CEP57L1: variants seen among roughly 807,000 people sequenced by gnomAD.
CEP57L1 encodes centrosomal protein CEP57L1.
Under a neutral mutation model 61.0 loss-of-function variants are expected in CEP57L1, and 37 were observed. The observed-to-expected ratio is 0.61, with a 90% confidence interval of 0.47 to 0.80. The LOEUF (loss-of-function observed/expected upper bound fraction) is 0.80. Ranked by LOEUF, CEP57L1 falls within the 30% of genes least tolerant of loss-of-function variation. CEP57L1 has a pLI of 0.00. For missense variants in CEP57L1, 422 were observed against 524.7 expected, an observed-to-expected ratio of 0.80 and a Z score of 1.91; for synonymous variants, 137 against 162.3, an observed-to-expected ratio of 0.84 and a Z score of 1.19.
chr6:109,139,189 C>T (rs553817702), intron 1 of CEP57L1, among the ~76,000 whole-genome samples: 2 of 152,202 alleles, frequency 1.3e-5, no homozygotes, highest in East Asian at 3.9e-4. Flanking sequence ...GTGGAAATGC[C>T]GGACAAAGAG....
At chr6:109,134,398 T>C (rs1429863222) in intron 1 of CEP57L1, among the ~76,000 whole-genome samples, 2 of 152,164 alleles carry the variant, frequency 1.3e-5, no homozygotes, top group East Asian at 3.8e-4. Context: ...AATTAGGTAT[T>C]GATGGGACGT....
chr6:109,129,559 A>T (rs1346235835), intron 1 of CEP57L1: 1 of 455,040 alleles, frequency 2.2e-6, no homozygotes, highest in African/African-American at 2.0e-5. Flanking sequence ...CTTCTACATT[A>T]AATTTTCAAC....
intron 1 of CEP57L1, among the ~76,000 whole-genome samples, chr6:109,114,751 G>A (rs1772086007): frequency 6.6e-6 from 1 of 152,166 alleles, no homozygotes; most frequent in South Asian, 2.1e-4. Context: ...GATCAATGGG[G>A]TACAAAGTTA....
At chr6:109,136,436 C>T (rs1488322666) in intron 1 of CEP57L1, among the ~76,000 whole-genome samples, 2 of 151,806 alleles carry the variant, frequency 1.3e-5, no homozygotes, top group Non-Finnish European at 1.5e-5. Context: ...TAGAGGGGAG[C>T]GATAGCATTA....
At chr6:109,114,789 T>C (rs1772089612) in intron 1 of CEP57L1, among the ~76,000 whole-genome samples, 1 of 152,168 alleles carries the variant, frequency 6.6e-6, no homozygotes, top group African/African-American at 2.4e-5. Flanking sequence ...TTTGGTGTTC[T>C]GTTACACTGC....
chr6:109,126,642 T>C (rs753304088), intron 1 of CEP57L1, among the ~76,000 whole-genome samples: 13 of 152,152 alleles, frequency 8.5e-5, no homozygotes, highest in Non-Finnish European at 1.6e-4. Flanking sequence ...TTAAGTGACC[T>C]TAGACATTAT....
rs551425481 is a variant in CEP57L1, at chr6:109,129,641, G to A, written c.-3-15578G>A. 4.3e-4 allele frequency: 166 copies of A among 386,864 alleles called. 1 individual carries two copies. The highest frequency in any genetic ancestry group is 3.1e-3 in the South Asian group (161 of 52,510). 24.0% of individuals were successfully genotyped at this position (386,864 alleles called of 1,614,324 possible). On this transcript the variant is annotated intron_variant, in intron 1 of 10. Coordinates refer to ENST00000517392, the MANE Select transcript of CEP57L1 (RefSeq NM_001271852.3). ...GTGGCTAATTCCTGAGCCATTCGAGGATCCTATTGGGTAAAATTTAAAAAG... is the reference window on the plus strand; with the variant it reads ...GTGGCTAATTCCTGAGCCATTCGAGAATCCTATTGGGTAAAATTTAAAAAG...
At chr6:109,114,955 A>G (rs1388294818) in intron 1 of CEP57L1, among the ~76,000 whole-genome samples, 1 of 152,182 alleles carries the variant, frequency 6.6e-6, no homozygotes, top group Non-Finnish European at 1.5e-5. Context: ...ATCACCTTAT[A>G]CCCCATAAAT....
At chr6:109,116,932 C>G (rs568278164) in intron 1 of CEP57L1, among the ~76,000 whole-genome samples, 23 of 152,200 alleles carry the variant, frequency 1.5e-4, no homozygotes, top group Admixed American at 4.6e-4. Context: ...ACATTTATCA[C>G]ATATTAAGTA....
intron 1 of CEP57L1, among the ~76,000 whole-genome samples, chr6:109,140,895 A>C (rs1771291655): frequency 1.3e-5 from 2 of 151,922 alleles, no homozygotes; most frequent in Non-Finnish European, 2.9e-5. Flanking sequence ...CAGCGGTGCG[A>C]TCTCGGCTCA....
chr6:109,159,591 G>A (rs1306684159), intron 9 of CEP57L1, 129 bp downstream of exon 9: 3 of 741,316 alleles, frequency 4.0e-6, no homozygotes, highest in Non-Finnish European at 6.7e-6. Context: ...TTACAAGCAT[G>A]AGCCACCGTG....
At chr6:109,148,076 TC>T (rs1772157440) in intron 3 of CEP57L1, among the ~76,000 whole-genome samples, 1 of 152,170 alleles carries the variant, frequency 6.6e-6, no homozygotes, top group African/African-American at 2.4e-5. Flanking sequence ...TATATGATAA[TC>T]AGGTAATTGA....
chr6:109,116,137 A>ATG lies in CEP57L1; in HGVS notation c.-4+20564_-4+20565dup, dbSNP rs1437736570. ...TTTATGTTATGTGTTGTGTTATGTT[A>ATG]TGTTATGTTATGTTATGTTATGTTA... is the stretch of plus-strand genomic sequence containing the variant. On this transcript the variant is annotated intron_variant, in intron 1 of 10. Transcript: ENST00000517392. Among the ~76,000 whole-genome samples the ATG allele has an allele frequency of 2.4e-3, 276 of 113,912 alleles. 2 individuals are homozygous for ATG. Among genetic ancestry groups the ATG allele is most frequent in the African/African-American group, 1.0e-2 (266 of 26,670 alleles). 74.7% of individuals were successfully genotyped at this position (113,912 alleles called of 152,430 possible). A position where few individuals can be genotyped will look rare whatever the true frequency, so the allele number is the denominator to read the frequency against.
intron 1 of CEP57L1, among the ~76,000 whole-genome samples, chr6:109,123,520 A>C (rs1773217196): frequency 1.3e-5 from 2 of 152,216 alleles, no homozygotes; most frequent in South Asian, 4.1e-4. Flanking sequence ...CCTCACATGT[A>C]GCAAGCTCAA....
In CEP57L1 at chr6:109,163,752, A is replaced by G. The variant is rs751423796; in HGVS notation, c.*782A>G. On this transcript the variant is annotated 3_prime_UTR_variant, in exon 11 of 11. Transcript: ENST00000517392. Reference sequence around the variant, plus strand: ...GTGGTATTTTTTTTTTGTACAAGAAAGTATAGAGGAAGAGGAAGCTGGGCA... The same window carrying G: ...GTGGTATTTTTTTTTTGTACAAGAAGGTATAGAGGAAGAGGAAGCTGGGCA... 4.6e-5 allele frequency: 7 copies of G among 152,136 alleles called. No individual in the cohort carries two copies. Among genetic ancestry groups the G allele is most frequent in the Non-Finnish European group, 8.8e-5 (6 of 68,022 alleles). 9.4% of individuals were successfully genotyped at this position (152,136 alleles called of 1,614,324 possible).
intron 4 of CEP57L1, among the ~76,000 whole-genome samples, chr6:109,150,444 T>G (rs943038570): frequency 2.6e-5 from 4 of 151,964 alleles, no homozygotes; most frequent in African/African-American, 7.3e-5. Context: ...TGTTACAAAA[T>G]GTATTAAAAA....
At chr6:109,118,952 GATT>G (rs1242771527) in intron 1 of CEP57L1, among the ~76,000 whole-genome samples, 3 of 152,178 alleles carry the variant, frequency 2.0e-5, no homozygotes, top group African/African-American at 7.2e-5. Context: ...GACATGAACA[GATT>G]ATTATTTCAA....
At chr6:109,158,654 T>C (rs1773443908) in intron 7 of CEP57L1, 1 of 466,006 alleles carries the variant, frequency 2.1e-6, no homozygotes, top group Admixed American at 2.3e-5. Context: ...ATTTTTAGTT[T>C]TATAAGAAAC....
At chr6:109,101,189 G>T (rs1182452317) in intron 1 of CEP57L1, among the ~76,000 whole-genome samples, 1 of 152,190 alleles carries the variant, frequency 6.6e-6, no homozygotes, top group Non-Finnish European at 1.5e-5. Context: ...AACTTCTTTA[G>T]ATCAGTAAAT....
Sources: gnomAD v4.1 joint callset for allele counts (sites outside exome capture counted in the v4.1 genomes callset) on GRCh38, gnomAD v4.1.1 for gene constraint, MANE v1.5 for transcripts, NCBI Gene and HGNC (gene_info 2026-07-23, HGNC 2026-07-21) for gene names.